SNX31: variants seen among roughly 807,000 people sequenced by gnomAD.
The protein encoded by SNX31 is sorting nexin 31.
SNX31 carries 58 observed loss-of-function variants against 65.4 expected under a neutral mutation model. The observed-to-expected ratio is 0.89, with a 90% CI of 0.72 to 1.10. The LOEUF (loss-of-function observed/expected upper bound fraction) is 1.10. Among genes scored for constraint, SNX31 ranks in the 50% least tolerant of loss-of-function variants. The pLI, the probability that SNX31 is intolerant of heterozygous loss-of-function variation, is 0.00. For synonymous variants in SNX31, 181 were observed against 190.1 expected (o/e 0.95, Z 0.39); for missense variants, 523 against 529.7 (o/e 0.99, Z 0.12).
At chr8:100,649,954 T>C (rs899463920), upstream of SNX31, among the ~76,000 whole-genome samples, 9 of 152,264 alleles carry the variant, frequency 5.9e-5, no homozygotes, top group Non-Finnish European at 1.3e-4. Flanking sequence ...TTTGGTCAGT[T>C]TTTTTGTACT....
chr8:100,580,498 G>A (rs1039197535), intron 12 of SNX31, among the ~76,000 whole-genome samples: 2 of 152,202 alleles, frequency 1.3e-5, no homozygotes, highest in Non-Finnish European at 2.9e-5. Flanking sequence ...GTGTGGGCCT[G>A]TGATGTGACT....
rs35658911 is a variant in SNX31, at chr8:100,588,115, T to TA, written c.1092+750dup. On this transcript the variant is annotated intron_variant, in intron 11 of 13. Transcript: ENST00000311812. This position sits in a 1 kb window ranked among gnomAD's most constrained non-coding sequence, Gnocchi z 4.8. ...GTACTACAGGAAAAAGGTGAAACAT[T>TA]AAAAAAAAACATAAAAAAGGTACAG... 0.37 allele frequency among the ~76,000 whole-genome samples: 55,488 copies of TA among 150,700 alleles called. 10,707 individuals carry two copies. Among genetic ancestry groups the TA allele is most frequent in the African/African-American group, 0.46 (18,826 of 41,032 alleles).
At chr8:100,624,173 G>T (rs1190196979) in intron 4 of SNX31, among the ~76,000 whole-genome samples, 2 of 152,112 alleles carry the variant, frequency 1.3e-5, no homozygotes, top group Non-Finnish European at 2.9e-5. Flanking sequence ...ATAATAGCTG[G>T]GTGCTATGGC....
chr8:100,648,848 T>C lies in SNX31; in HGVS notation c.141+426A>G, dbSNP rs1819828150. Among the ~76,000 whole-genome samples, 1 of 152,144 alleles carries C rather than the reference T, an allele frequency of 6.6e-6. No individual in the cohort carries two copies. The highest frequency in any genetic ancestry group is 2.4e-5 in the African/African-American group (1 of 41,446). On this transcript the variant is annotated intron_variant, in intron 2 of 13. Coordinates refer to ENST00000311812, the MANE Select transcript of SNX31 (RefSeq NM_152628.4). The surrounding 1 kb of genome is among the most constrained non-coding windows in gnomAD (Gnocchi z 4.3). ...TAAGAAACTCTCGAGACAAAGGAGATTAAATACCCATGTACAAGACTCCAA... is the reference window on the plus strand; with the variant it reads ...TAAGAAACTCTCGAGACAAAGGAGACTAAATACCCATGTACAAGACTCCAA...
At chr8:100,634,782 G>A (rs1055720015) in intron 3 of SNX31, among the ~76,000 whole-genome samples, 68 of 139,248 alleles carry the variant, frequency 4.9e-4, no homozygotes, top group African/African-American at 1.8e-3. Context: ...AATATTGGGT[G>A]CAGTGGCTCA....
chr8:100,598,251 T>C (rs1049581057), intron 9 of SNX31, among the ~76,000 whole-genome samples: 3 of 152,064 alleles, frequency 2.0e-5, no homozygotes, highest in African/African-American at 4.8e-5. Context: ...TGGCCTTCAG[T>C]TGGGTCAGTG....
At chr8:100,607,150 G>A (rs576359795) in intron 8 of SNX31, among the ~76,000 whole-genome samples, 1 of 152,214 alleles carries the variant, frequency 6.6e-6, no homozygotes, top group African/African-American at 2.4e-5. Flanking sequence ...TCTGGGAGGG[G>A]GTGGAGCAGG....
chr8:100,642,957 G>A (rs1045806801), intron 2 of SNX31, among the ~76,000 whole-genome samples: 5 of 152,128 alleles, frequency 3.3e-5, no homozygotes, highest in Admixed American at 2.0e-4. Context: ...TTGGGAGGCT[G>A]AGGCAGGCAG....
Position 100,610,643 on chromosome 8 carries a change from ACAGCAAG to A in SNX31, c.611+1350_611+1356del, listed in dbSNP as rs1193861932. Among the ~76,000 whole-genome samples, 8 of 152,198 alleles carry A rather than the reference ACAGCAAG, an allele frequency of 5.3e-5. No individual in the cohort carries two copies. The highest frequency in any genetic ancestry group is 4.6e-4 in the Admixed American group (7 of 15,274). The stretch of plus-strand genomic sequence containing the variant: ...GAACAACTGTGCTCAGCCATTCACT[ACAGCAAG>A]CAGCTTCCAGAACAGCTGTTCTCTA... On this transcript the variant is annotated intron_variant, in intron 7 of 13. Coordinates refer to ENST00000311812, the MANE Select transcript of SNX31 (RefSeq NM_152628.4). The surrounding 1 kb of genome is among the most constrained non-coding windows in gnomAD (Gnocchi z 4.0).
intron 8 of SNX31, among the ~76,000 whole-genome samples, chr8:100,603,829 C>G (rs1347399780): frequency 6.6e-6 from 1 of 152,100 alleles, no homozygotes; most frequent in Non-Finnish European, 1.5e-5. Context: ...TCTCCGCCTC[C>G]TGGGCTTAAG....
intron 1 of SNX31, among the ~76,000 whole-genome samples, chr8:100,656,443 C>T (rs1402606219): frequency 1.3e-5 from 2 of 151,766 alleles, no homozygotes; most frequent in East Asian, 3.9e-4. Flanking sequence ...AGTTCAAGAC[C>T]AGCCTAGTCC....
Position 100,613,168 on chromosome 8 carries a change from G to T in SNX31, c.433-83C>A. On this transcript the variant is annotated intron_variant, in intron 5 of 13. Coordinates refer to ENST00000311812, the MANE Select transcript of SNX31 (RefSeq NM_152628.4). The surrounding 1 kb of genome is among the most constrained non-coding windows in gnomAD (Gnocchi z 5.2). ...ACTGTGACATGCAGACTTGGAAATG[G>T]CCGGTACACATCAATAAAAAATGCT... The T allele has an allele frequency of 9.4e-7, 1 of 1,061,928 alleles. No individual in the cohort carries two copies. The highest frequency in any genetic ancestry group is 1.5e-6 in the Non-Finnish European group (1 of 687,136). The allele number at this position is 1,061,928 out of a possible 1,614,324, so 65.8% of individuals were successfully genotyped here.
At chr8:100,627,998 A>G (rs1463240665) in intron 4 of SNX31, among the ~76,000 whole-genome samples, 4 of 152,254 alleles carry the variant, frequency 2.6e-5, no homozygotes, top group Admixed American at 2.6e-4. Flanking sequence ...AATGCTCATC[A>G]TCACTGGCCA....
intron 7 of SNX31, among the ~76,000 whole-genome samples, chr8:100,611,754 C>T (rs1816730537): frequency 6.6e-6 from 1 of 152,118 alleles, no homozygotes; most frequent in Non-Finnish European, 1.5e-5. Context: ...TGAGGTCTTG[C>T]TATGTTGCCC....
At chr8:100,653,127 A>T (rs1292508891), upstream of SNX31, among the ~76,000 whole-genome samples, 5 of 152,170 alleles carry the variant, frequency 3.3e-5, no homozygotes, top group African/African-American at 4.8e-5. Flanking sequence ...CAGACGAGTG[A>T]GTCAGAAAGG....
chr8:100,638,928 C>T (rs890331323), intron 2 of SNX31, among the ~76,000 whole-genome samples: 2 of 152,078 alleles, frequency 1.3e-5, no homozygotes, highest in African/African-American at 4.8e-5. Flanking sequence ...ATAAATATTG[C>T]TAAGCGACAG....
rs1009058186 is a variant in SNX31 at position 100,626,737 on chromosome 8, G to A, written c.321+3590C>T. Among the ~76,000 whole-genome samples, 3 of 151,998 alleles carry A rather than the reference G, an allele frequency of 2.0e-5. No homozygotes were observed. Among genetic ancestry groups the A allele is most frequent in the Admixed American group, 1.3e-4 (2 of 15,258 alleles). ...AGGAAAGAAACATGACCAATGAAAGGCAAATAACATATACCAAAAGAATTA... is the reference window on the plus strand; with the variant it reads ...AGGAAAGAAACATGACCAATGAAAGACAAATAACATATACCAAAAGAATTA... On this transcript the variant is annotated intron_variant, in intron 4 of 13. Transcript: ENST00000311812. This position sits in a 1 kb window ranked among gnomAD's most constrained non-coding sequence, Gnocchi z 4.4.
chr8:100,649,847 T>A (rs1057220269), upstream of SNX31, among the ~76,000 whole-genome samples: 12 of 152,368 alleles, frequency 7.9e-5, no homozygotes, highest in Admixed American at 5.2e-4. Context: ...GAAAACAGTT[T>A]GTGTCCCATT....
At chr8:100,657,399 C>T (rs1820068349) in intron 1 of SNX31, among the ~76,000 whole-genome samples, 1 of 150,862 alleles carries the variant, frequency 6.6e-6, no homozygotes, top group South Asian at 2.1e-4. Flanking sequence ...TTGCGGTGAG[C>T]CAAGATCGCG....
Sources: allele counts gnomAD v4.1 joint callset (sites outside exome capture counted in the v4.1 genomes callset), GRCh38; gene constraint gnomAD v4.1.1; non-coding constraint Gnocchi (gnomAD v3.1); transcripts MANE v1.5; gene names NCBI Gene and HGNC (gene_info 2026-07-23, HGNC 2026-07-21).